The following SULT1B1 variants were observed in gnomAD, a reference collection of about 807,000 sequenced individuals.
The protein encoded by SULT1B1 is sulfotransferase 1B1.
SULT1B1 carries 28 observed loss-of-function variants against 34.6 expected under a neutral mutation model. The observed-to-expected ratio is 0.81, with a 90% CI of 0.60 to 1.11. SULT1B1 has a LOEUF of 1.11. Among genes scored for constraint, SULT1B1 ranks in the 50% least tolerant of loss-of-function variants. The pLI is 0.00. For missense variants in SULT1B1, 374 were observed against 352.2 expected (o/e 1.06, Z -0.50); for synonymous variants, 147 against 110.2 (o/e 1.33, Z -2.09).
In SULT1B1 at chr4:69,754,659, G is replaced by A. The variant is rs775001839; in HGVS notation, c.277+11C>T. On this transcript the variant is annotated intron_variant, in intron 3 of 7. Coordinates refer to ENST00000310613, the MANE Select transcript of SULT1B1 (RefSeq NM_014465.4). ...ATTACAAAATAATAATTCCAAGTGG[G>A]TTAAATTTACCTGATGTTCTTAATC... 1.9e-5 allele frequency: 31 copies of A among 1,611,188 alleles called. 1 individual carries two copies. The Middle Eastern group carries it at 6.8e-4, about 35-fold the overall frequency.
chr4:69,746,894 C>A (rs560712460), intron 4 of SULT1B1, among the ~76,000 whole-genome samples: 5 of 152,172 alleles, frequency 3.3e-5, no homozygotes, highest in Admixed American at 6.5e-5. Context: ...CTTTGTTGCC[C>A]TTGAGGTTTT....
chr4:69,760,119 G>T (rs1319873670), intron 1 of SULT1B1: 4 of 326,598 alleles, frequency 1.2e-5, no homozygotes, highest in Non-Finnish European at 1.8e-5. Flanking sequence ...GCATATGTGT[G>T]CATGAATGCA....
chr4:69,742,259 G>T (rs1184920133), intron 4 of SULT1B1, among the ~76,000 whole-genome samples: 1 of 152,082 alleles, frequency 6.6e-6, no homozygotes, highest in Non-Finnish European at 1.5e-5. Flanking sequence ...TGTACTCCTG[G>T]ATTCAGTTTG....
Position 69,721,666 on chromosome 4 carries a change from A to T in SULT1B1, c.*5422T>A, listed in dbSNP as rs1175454996. 1 of 152,086 alleles carries T rather than the reference A, an allele frequency of 6.6e-6. No homozygotes were observed. Among genetic ancestry groups the T allele is most frequent in the Non-Finnish European group, 1.5e-5 (1 of 67,974 alleles). 9.4% of individuals were successfully genotyped at this position (152,086 alleles called of 1,614,324 possible). ...TAATTTAGGAAGATAACACAATAGA[A>T]TAGGGTGGATTGAAAGGGAATACAT... On this transcript the variant is annotated 3_prime_UTR_variant, in exon 8 of 8. Transcript: ENST00000310613.
chr4:69,722,836 C>G lies in SULT1B1; in HGVS notation c.*4252G>C, dbSNP rs144467437. 4 of 151,940 alleles carry G rather than the reference C, an allele frequency of 2.6e-5. No individual in the cohort carries two copies. Among genetic ancestry groups the G allele is most frequent in the African/African-American group, 9.7e-5 (4 of 41,388 alleles). 9.4% of individuals were successfully genotyped at this position (151,940 alleles called of 1,614,324 possible). A position where few individuals can be genotyped will look rare whatever the true frequency, so the allele number is the denominator to read the frequency against. ...CTCAGTTGTGGCTCAGAAAGTCTAACAGTATGTCCAAAACCACCACCCCCA... is the reference window on the plus strand; with the variant it reads ...CTCAGTTGTGGCTCAGAAAGTCTAAGAGTATGTCCAAAACCACCACCCCCA... On this transcript the variant is annotated 3_prime_UTR_variant, in exon 8 of 8. Coordinates refer to ENST00000310613, the MANE Select transcript of SULT1B1 (RefSeq NM_014465.4).
chr4:69,743,217 T>C lies in SULT1B1; in HGVS notation c.375+6504A>G, dbSNP rs572379501. 4.6e-5 allele frequency among the ~76,000 whole-genome samples: 7 copies of C among 152,254 alleles called. 1 individual carries two copies. In the South Asian group the frequency reaches 1.2e-3, roughly 27 times the overall value. On this transcript the variant is annotated intron_variant, in intron 4 of 7. Coordinates refer to ENST00000310613, the MANE Select transcript of SULT1B1 (RefSeq NM_014465.4). The stretch of plus-strand genomic sequence containing the variant: ...TCCTGCATTCAGGAAGACTGAGGTA[T>C]ACAAACAAATAGAGGGTGAGCAAGA...
intron 4 of SULT1B1, among the ~76,000 whole-genome samples, chr4:69,741,592 T>C (rs1422821527): frequency 1.3e-5 from 2 of 152,200 alleles, no homozygotes; most frequent in Non-Finnish European, 2.9e-5. Flanking sequence ...ATTGTAGAGA[T>C]CTTTTACCTC....
chr4:69,741,641 A>G (rs1244907230), intron 4 of SULT1B1, among the ~76,000 whole-genome samples: 2 of 151,842 alleles, frequency 1.3e-5, no homozygotes, highest in African/African-American at 4.8e-5. Flanking sequence ...TTTTTTTGTG[A>G]CTATTGTGAA....
intron 1 of SULT1B1, among the ~76,000 whole-genome samples, chr4:69,755,991 G>A (rs973959979): frequency 2.0e-5 from 3 of 151,948 alleles, no homozygotes; most frequent in African/African-American, 4.8e-5. Context: ...CTCTGTGTGT[G>A]TTTCATTTGG....
intron 1 of SULT1B1, among the ~76,000 whole-genome samples, chr4:69,758,113 C>T (rs1197602411): frequency 6.6e-6 from 1 of 152,132 alleles, no homozygotes; most frequent in Non-Finnish European, 1.5e-5. Context: ...AAAAGATTCT[C>T]CAGCATGAAA....
chr4:69,754,815 C>A lies in SULT1B1; in HGVS notation c.149-17G>T, dbSNP rs779457621. 11 of 1,606,350 alleles carry A rather than the reference C, an allele frequency of 6.8e-6. No individual in the cohort carries two copies. The highest frequency in any genetic ancestry group is 1.7e-4 in the Middle Eastern group (1 of 6,038). ...AAGTAGTACCTGTGACAAAAGGCAA[C>A]ATTTTCAAAATAATTACCCAAATTG... On this transcript the variant is annotated splice_polypyrimidine_tract_variant and intron_variant, in intron 2 of 7. Coordinates refer to ENST00000310613, the MANE Select transcript of SULT1B1 (RefSeq NM_014465.4).
intron 4 of SULT1B1, among the ~76,000 whole-genome samples, chr4:69,735,401 C>T (rs1213117971): frequency 6.6e-6 from 1 of 152,196 alleles, no homozygotes; most frequent in Non-Finnish European, 1.5e-5. Context: ...GTGGAGAATT[C>T]CAAACTCTGC....
chr4:69,742,000 G>A (rs187289022), intron 4 of SULT1B1, among the ~76,000 whole-genome samples: 5 of 152,084 alleles, frequency 3.3e-5, no homozygotes, highest in Admixed American at 3.3e-4. Flanking sequence ...CCTGTTCAGT[G>A]TGTTGGTTTG....
chr4:69,756,372 G>A (rs1388425489), intron 1 of SULT1B1, among the ~76,000 whole-genome samples: 1 of 152,048 alleles, frequency 6.6e-6, no homozygotes, highest in African/African-American at 2.4e-5. Context: ...CAACCTGACT[G>A]TGCCAAGGAG....
chr4:69,760,587 A>G lies in SULT1B1; in HGVS notation c.-173T>C, dbSNP rs535527913. The stretch of plus-strand genomic sequence containing the variant: ...AGGAAGGCTCCTGGCACCAGAAAAA[A>G]AAAAGTTCAAGGTTTGATCTGAACG... On this transcript the variant is annotated 5_prime_UTR_variant, in exon 1 of 8. Coordinates refer to ENST00000310613, the MANE Select transcript of SULT1B1 (RefSeq NM_014465.4). 6.6e-6 allele frequency: 1 copy of G among 152,322 alleles called. No individual in the cohort carries two copies. Among genetic ancestry groups the G allele is most frequent in the African/African-American group, 2.4e-5 (1 of 41,536 alleles). 9.4% of individuals were successfully genotyped at this position (152,322 alleles called of 1,614,324 possible). A position where few individuals can be genotyped will look rare whatever the true frequency, so the allele number is the denominator to read the frequency against.
At chr4:69,737,505 C>T (rs1175914019) in intron 4 of SULT1B1, among the ~76,000 whole-genome samples, 1 of 152,134 alleles carries the variant, frequency 6.6e-6, no homozygotes, top group Non-Finnish European at 1.5e-5. Flanking sequence ...GCAAAAGTTA[C>T]ATTATCTGAT....
intron 4 of SULT1B1, among the ~76,000 whole-genome samples, chr4:69,734,870 G>A (rs897385984): frequency 1.3e-5 from 2 of 149,796 alleles, no homozygotes; most frequent in Non-Finnish European, 3.0e-5. Context: ...CCAGGCTGGA[G>A]TGCAGTGGTG....
At chr4:69,744,411 G>C (rs1718672148) in intron 4 of SULT1B1, among the ~76,000 whole-genome samples, 1 of 152,158 alleles carries the variant, frequency 6.6e-6, no homozygotes, top group African/African-American at 2.4e-5. Flanking sequence ...GGCTGCTATG[G>C]GGTCATGGGG....
Position 69,754,792 on chromosome 4 carries a change from G to A in SULT1B1, c.155C>T (p.Thr52Ile). ...VIATYPKSGT[T>I]WVSEIIDMIL... Reference sequence around the variant, plus strand: ...CATGTCTATAATTTCACTAACCCAAGTAGTACCTGTGACAAAAGGCAACAT... The same window carrying A: ...CATGTCTATAATTTCACTAACCCAAATAGTACCTGTGACAAAAGGCAACAT... The change falls in exon 3 of 8, where the codon ACT (threonine) becomes ATT (isoleucine). Residue 52 changes from threonine to isoleucine, a missense_variant. Thr to Ile is a moderately conservative substitution (Grantham distance 89). Transcript: ENST00000310613. The A allele has an allele frequency of 6.2e-7, 1 of 1,609,880 alleles. No homozygotes were observed. The highest frequency in any genetic ancestry group is 8.5e-7 in the Non-Finnish European group (1 of 1,178,438).
Sources: gnomAD v4.1 joint callset for allele counts (sites outside exome capture counted in the v4.1 genomes callset) on GRCh38, gnomAD v4.1.1 for gene constraint, MANE v1.5 for transcripts, NCBI Gene and HGNC (gene_info 2026-07-23, HGNC 2026-07-21) for gene names.